The following TSGA10 variants were observed in gnomAD, a reference collection of about 807,000 sequenced individuals.
TSGA10 encodes the protein testis specific 10.
Under a neutral mutation model 96.6 loss-of-function variants are expected in TSGA10, and 43 were observed. The ratio of observed to expected loss-of-function variants is 0.44; its 90% CI spans 0.35 to 0.57. The LOEUF is 0.57. Among genes scored for constraint, TSGA10 ranks in the 20% least tolerant of loss-of-function variants. The pLI is 0.01. For synonymous variants in TSGA10, 229 were observed against 269.9 expected (o/e 0.85, Z 1.48); for missense variants, 703 against 834.4 (o/e 0.84, Z 1.94).
chr2:99,089,596 T>C (rs762285385), intron 10 of TSGA10, among the ~76,000 whole-genome samples: 3 of 152,106 alleles, frequency 2.0e-5, no homozygotes, highest in Non-Finnish European at 2.9e-5. Context: ...GATTGGCCTT[T>C]TGGGTTGCAT....
chr2:99,129,506 G>A (rs1190635539), intron 1 of TSGA10, among the ~76,000 whole-genome samples: 2 of 152,162 alleles, frequency 1.3e-5, no homozygotes, highest in Non-Finnish European at 2.9e-5. Context: ...GAGACCACAA[G>A]TCCACCTGAC....
chr2:99,109,960 C>T (rs1169570872), intron 5 of TSGA10, among the ~76,000 whole-genome samples: 4 of 151,968 alleles, frequency 2.6e-5, no homozygotes, highest in Non-Finnish European at 5.9e-5. Flanking sequence ...GTCAGGAGTT[C>T]AAGACCAGCC....
In TSGA10 at chr2:99,071,825, G is replaced by A. The variant is rs758866582; in HGVS notation, c.988C>T (p.Arg330Cys). Residue 330 changes from arginine (R) to cysteine (C), a missense_variant, in exon 14 of 21, where the codon CGT becomes TGT. This residue lies in a region of TSGA10 where 585 missense variants were observed against 656.8 expected (regional missense o/e 0.89). Transcript: ENST00000393483. ...IVCEQDVSRM[R>C]RQLDETNDEL... Reference sequence around the variant, plus strand: ...TCATTTGTCTCATCCAATTGCCGACGCATTCTGGAAACGTCTTGTTCACAC... The same window carrying A: ...TCATTTGTCTCATCCAATTGCCGACACATTCTGGAAACGTCTTGTTCACAC... 1.2e-5 allele frequency: 20 copies of A among 1,613,776 alleles called. No individual in the cohort carries two copies. Among genetic ancestry groups the A allele is most frequent in the Admixed American group, 3.3e-5 (2 of 59,984 alleles).
chr2:99,127,697 T>G (rs1350413205), intron 1 of TSGA10, among the ~76,000 whole-genome samples: 3 of 99,150 alleles, frequency 3.0e-5, no homozygotes, highest in Admixed American at 2.1e-4. Context: ...CAACCTTTAG[T>G]GACACAAATT....
chr2:99,010,137 T>A (rs1021775474), intron 20 of TSGA10, among the ~76,000 whole-genome samples: 1 of 152,142 alleles, frequency 6.6e-6, no homozygotes, highest in Non-Finnish European at 1.5e-5. Flanking sequence ...TAACAACCAA[T>A]GTTTTGTAAT....
rs1361898496 is a variant in TSGA10, at chr2:99,068,858, C to T, written c.1218+30G>A. On this transcript the variant is annotated intron_variant, in intron 15 of 20. Transcript: ENST00000393483. ...ATTAACTCTAGTGAAAACTAAGTAT[C>T]ATGAGCAAAAAGAAAAAAAAAATAC... 2.6e-6 allele frequency: 3 copies of T among 1,154,740 alleles called. No homozygotes were observed. The African/African-American group carries it at 4.8e-5, about 19-fold the overall frequency. The allele number at this position is 1,154,740 out of a possible 1,614,324, so 71.5% of individuals were successfully genotyped here. A position where few individuals can be genotyped will look rare whatever the true frequency, so the allele number is the denominator to read the frequency against.
chr2:99,030,548 G>A (rs889681364), intron 17 of TSGA10, among the ~76,000 whole-genome samples: 13 of 151,998 alleles, frequency 8.6e-5, no homozygotes, highest in Admixed American at 1.3e-4. Flanking sequence ...CTACTTGGGA[G>A]GCTGAGGTGA....
intron 10 of TSGA10, among the ~76,000 whole-genome samples, chr2:99,089,091 G>C (rs759199516): frequency 3.9e-5 from 6 of 152,210 alleles, no homozygotes; most frequent in Non-Finnish European, 8.8e-5. Flanking sequence ...AAGTGGGAAA[G>C]TGGGAAATGG....
At chr2:99,152,803 T>C (rs1288819234) in intron 1 of TSGA10, among the ~76,000 whole-genome samples, 1 of 152,118 alleles carries the variant, frequency 6.6e-6, no homozygotes, top group African/African-American at 2.4e-5. Context: ...AAAGGGCTTC[T>C]GGCAAAAAAG....
intron 16 of TSGA10, among the ~76,000 whole-genome samples, chr2:99,055,971 A>G (rs1331705804): frequency 6.6e-6 from 1 of 151,876 alleles, no homozygotes; most frequent in Non-Finnish European, 1.5e-5. Flanking sequence ...TGGGAGGCTG[A>G]GGAGGGTGAA....
chr2:98,999,040 C>A (rs1258663862), intron 20 of TSGA10, among the ~76,000 whole-genome samples: 2 of 152,052 alleles, frequency 1.3e-5, no homozygotes, highest in East Asian at 3.9e-4. Flanking sequence ...GGATTACAGA[C>A]ATGCGCCACC....
intron 20 of TSGA10, among the ~76,000 whole-genome samples, chr2:99,003,050 G>T (rs527649795): frequency 1.8e-4 from 28 of 152,026 alleles, no homozygotes; most frequent in African/African-American, 6.5e-4. Flanking sequence ...GTAGAGACAG[G>T]GTTTCACCAT....
At chr2:99,060,761 T>C (rs1163730257) in intron 16 of TSGA10, among the ~76,000 whole-genome samples, 4 of 151,592 alleles carry the variant, frequency 2.6e-5, no homozygotes, top group South Asian at 4.2e-4. Flanking sequence ...GAAGAGAGTA[T>C]AGAAACAGAT....
intron 16 of TSGA10, among the ~76,000 whole-genome samples, chr2:99,035,938 A>G (rs78562224): frequency 0.018 from 2,763 of 152,210 alleles, 87 homozygotes; most frequent in African/African-American, 0.063. Context: ...ACTTACTAAT[A>G]CCTCTGAGGG....
intron 14 of TSGA10, among the ~76,000 whole-genome samples, chr2:99,070,544 G>A (rs1021738410): frequency 4.0e-5 from 6 of 151,854 alleles, no homozygotes; most frequent in Admixed American, 6.6e-5. Context: ...AAACATGGGG[G>A]CTTTTCTAAA....
intron 2 of TSGA10, 130 bp downstream of exon 2, chr2:99,126,918 T>C: frequency 1.2e-6 from 1 of 822,088 alleles, no homozygotes; most frequent in Non-Finnish European, 1.6e-6. Flanking sequence ...AAGATAAAAA[T>C]TGAATGATTT....
intron 20 of TSGA10, among the ~76,000 whole-genome samples, chr2:99,017,071 A>G (rs1291876248): frequency 6.6e-6 from 1 of 152,244 alleles, no homozygotes; most frequent in African/African-American, 2.4e-5. Context: ...GGAAACTAGT[A>G]CAACCACTAA....
rs936346158 is a variant in TSGA10, at chr2:99,033,010, C to G, written c.1614+2220G>C. Among the ~76,000 whole-genome samples the G allele has an allele frequency of 3.9e-5, 6 of 152,294 alleles. No individual in the cohort carries two copies. In the South Asian group the frequency reaches 8.3e-4, roughly 21 times the overall value. ...ACCAACATCACAGTTGCAGACTACT[C>G]AAGTCTTTGAATGACTACACATCAG... On this transcript the variant is annotated intron_variant, in intron 17 of 20. Transcript: ENST00000393483.
intron 14 of TSGA10, among the ~76,000 whole-genome samples, chr2:99,069,998 C>T (rs2085741244): frequency 6.6e-6 from 1 of 152,032 alleles, no homozygotes; most frequent in South Asian, 2.1e-4. Context: ...TAAGTTTCCA[C>T]TTTCTCGTCT....
Sources: gnomAD v4.1 joint callset for allele counts (sites outside exome capture counted in the v4.1 genomes callset) on GRCh38, gnomAD v4.1.1 for gene constraint, gnomAD v4.1.1 regional missense constraint, MANE v1.5 for transcripts, NCBI Gene and HGNC (gene_info 2026-07-23, HGNC 2026-07-21) for gene names.